KLRG2: variants seen among roughly 807,000 people sequenced by gnomAD.
The protein encoded by KLRG2 is killer cell lectin like receptor G2, also known as killer cell lectin-like receptor subfamily G member 2.
KLRG2 carries 39 observed loss-of-function variants against 35.4 expected under a neutral mutation model. That is an observed-to-expected ratio of 1.10 (90% confidence interval 0.85 to 1.44). The LOEUF is 1.44. Among genes scored for constraint, KLRG2 ranks in the 40% most tolerant of loss-of-function variants. The probability of loss-of-function intolerance (pLI) is 0.00; values close to 1 mark genes in which losing one functional copy is unlikely to be tolerated. For missense variants in KLRG2, 632 were observed against 570.9 expected (o/e 1.11, Z -1.09); for synonymous variants, 283 against 265.8 (o/e 1.06, Z -0.63).
rs757830501 is a variant in KLRG2, at chr7:139,480,246, C to A, written c.759G>T (p.Gly253=). Residue 253 remains glycine, a splice_region_variant and synonymous_variant, in exon 2 of 5, where the codon GGG becomes GGT. Transcript: ENST00000340940. ...EKLPRAVTLT[G]LPMYVKSLYW... is the part of the protein sequence containing the mutation. ...ACAGGGACTTCACGTACATGGGTAG[C>A]CCTGGGACGGGGGCAAACAGGATAA... 63 of 1,583,408 alleles carry A rather than the reference C, an allele frequency of 4.0e-5. No homozygotes were observed. In the East Asian group the frequency reaches 1.3e-3, roughly 33 times the overall value.
At chr7:139,457,333 C>T (rs1158904126) in intron 3 of KLRG2, among the ~76,000 whole-genome samples, 1 of 152,140 alleles carries the variant, frequency 6.6e-6, no homozygotes, top group Non-Finnish European at 1.5e-5. Context: ...ACTCAGCTGC[C>T]TGTTTGGGAA....
chr7:139,436,637 C>T, the KLRG2 span, among the ~76,000 whole-genome samples: 1 of 152,336 alleles, frequency 6.6e-6, no homozygotes, highest in Admixed American at 6.5e-5. Flanking sequence ...AGCCCGGCTC[C>T]AGCCAGTCCC....
chr7:139,454,337 A>G, intron 3 of KLRG2, 123 bp from the exon 4 acceptor site: 1 of 643,886 alleles, frequency 1.6e-6, no homozygotes, highest in Non-Finnish European at 2.7e-6. Flanking sequence ...TGCTCAAGCC[A>G]GCACTTGCAG....
intron 3 of KLRG2, among the ~76,000 whole-genome samples, chr7:139,456,419 G>A (rs1796477834): frequency 6.6e-6 from 1 of 152,122 alleles, no homozygotes; most frequent in Non-Finnish European, 1.5e-5. Flanking sequence ...AGGCTGGAGT[G>A]CAGTGGCACA....
At chr7:139,451,274 C>T (rs983459364), downstream of KLRG2, among the ~76,000 whole-genome samples, 3 of 152,146 alleles carry the variant, frequency 2.0e-5, no homozygotes, top group Admixed American at 1.3e-4. Context: ...CCGAGGCAGG[C>T]GGCTCACCTG....
chr7:139,460,450 G>A (rs1347080650), intron 3 of KLRG2, among the ~76,000 whole-genome samples: 1 of 152,186 alleles, frequency 6.6e-6, no homozygotes, highest in East Asian at 1.9e-4. Flanking sequence ...GGCCAAGATG[G>A]GAAGGTTGCT....
intron 3 of KLRG2, among the ~76,000 whole-genome samples, chr7:139,461,787 G>A (rs996482103): frequency 2.0e-5 from 3 of 152,148 alleles, no homozygotes; most frequent in African/African-American, 7.2e-5. Context: ...CAGCCCGCCT[G>A]CACCCAGGTT....
At chr7:139,462,808 C>T (rs1796589620) in intron 3 of KLRG2, among the ~76,000 whole-genome samples, 1 of 152,008 alleles carries the variant, frequency 6.6e-6, no homozygotes, top group South Asian at 2.1e-4. Flanking sequence ...GCAATTAGTC[C>T]CAAATCTTGC....
rs756578785 is a variant in KLRG2, at chr7:139,452,961, C to G, written c.*626G>C. ...ATCAGCGTGCCAGGGGCTGGCCAGC[C>G]CACATGCGGGATCTCCACCCAGAAC... On this transcript the variant is annotated 3_prime_UTR_variant, in exon 5 of 5. Coordinates refer to ENST00000340940, the MANE Select transcript of KLRG2 (RefSeq NM_198508.4). The G allele has an allele frequency of 6.5e-6, 1 of 152,890 alleles. No homozygotes were observed. The highest frequency in any genetic ancestry group is 1.5e-5 in the Non-Finnish European group (1 of 68,602). 9.5% of individuals were successfully genotyped at this position (152,890 alleles called of 1,614,324 possible).
At chr7:139,443,411 A>G in the KLRG2 span, among the ~76,000 whole-genome samples, 12 of 152,314 alleles carry the variant, frequency 7.9e-5, no homozygotes, top group East Asian at 2.3e-3. Flanking sequence ...AAGAAATAAA[A>G]TAAGGCAAGA....
chr7:139,479,110 C>T (rs188645222), intron 3 of KLRG2, among the ~76,000 whole-genome samples: 5 of 151,906 alleles, frequency 3.3e-5, no homozygotes, highest in Non-Finnish European at 5.9e-5. Flanking sequence ...TGAGACGGAG[C>T]CTTGCTCTGT....
In KLRG2 at chr7:139,455,409, T is replaced by C. The variant is rs1378604080; in HGVS notation, c.1006-1195A>G. ...CGATCTCGGCTCACTGCAAGCTCTG[T>C]CTCCTGGGTTCACGCCATTCTCCTG... On this transcript the variant is annotated intron_variant, in intron 3 of 4. Coordinates refer to ENST00000340940, the MANE Select transcript of KLRG2 (RefSeq NM_198508.4). 3.3e-5 allele frequency among the ~76,000 whole-genome samples: 5 copies of C among 149,786 alleles called. No homozygotes were observed. The East Asian group carries it at 6.0e-4, about 18-fold the overall frequency.
At chr7:139,479,794 G>C (rs767754457) in intron 2 of KLRG2, 22 bp from the exon 3 acceptor site, 41 of 1,610,082 alleles carry the variant, frequency 2.5e-5, no homozygotes, top group Non-Finnish European at 3.2e-5. Context: ...GAGACTGCTG[G>C]TGAGCTGCAG....
chr7:139,428,529 G>T, the KLRG2 span, among the ~76,000 whole-genome samples: 7 of 152,140 alleles, frequency 4.6e-5, no homozygotes, highest in Non-Finnish European at 1.0e-4. Context: ...AAAGTGCTGG[G>T]AGTATAGGTA....
At chr7:139,445,567 C>T in the KLRG2 span, among the ~76,000 whole-genome samples, 5 of 151,506 alleles carry the variant, frequency 3.3e-5, no homozygotes, top group African/African-American at 4.9e-5. Flanking sequence ...GAAGAAGGGA[C>T]ATGAGGCCTG....
intron 1 of KLRG2, 59 bp downstream of exon 1, chr7:139,482,827 G>A: frequency 7.4e-7 from 1 of 1,345,974 alleles, no homozygotes; most frequent in Non-Finnish European, 9.5e-7. Flanking sequence ...GGGTGTGGGG[G>A]TTTCGGCTAC....
At chr7:139,447,254 T>G in the KLRG2 span, among the ~76,000 whole-genome samples, 15 of 152,324 alleles carry the variant, frequency 9.8e-5, no homozygotes, top group Admixed American at 9.2e-4. Flanking sequence ...TAGGCGATTT[T>G]ATCATTGTGC....
intron 3 of KLRG2, among the ~76,000 whole-genome samples, chr7:139,475,940 C>G (rs1796842253): frequency 6.7e-6 from 1 of 149,818 alleles, no homozygotes. Flanking sequence ...GTGCCCACTG[C>G]TTCGTGGGTA....
chr7:139,475,307 G>A (rs938705433), intron 3 of KLRG2, among the ~76,000 whole-genome samples: 6 of 151,952 alleles, frequency 3.9e-5, no homozygotes, highest in Admixed American at 2.6e-4. Flanking sequence ...CGAGGCAGGC[G>A]GATCACGAGG....
Sources: gnomAD v4.1 joint callset for allele counts (sites outside exome capture counted in the v4.1 genomes callset) on GRCh38, gnomAD v4.1.1 for gene constraint, MANE v1.5 for transcripts, NCBI Gene and HGNC (gene_info 2026-07-23, HGNC 2026-07-21) for gene names.